Variants in STK31 observed in about 807,000 individuals in gnomAD.
The protein encoded by STK31 is serine/threonine-protein kinase 31.
STK31 carries 89 observed loss-of-function variants against 129.7 expected under a neutral mutation model. The ratio of observed to expected loss-of-function variants is 0.69; its 90% confidence interval spans 0.58 to 0.82. The LOEUF (loss-of-function observed/expected upper bound fraction) is 0.82. Ranked by LOEUF, STK31 falls within the 40% of genes least tolerant of loss-of-function variation. STK31 has a pLI of 0.00. For synonymous variants in STK31, 448 were observed against 395.3 expected, an observed-to-expected ratio of 1.13 and a Z score of -1.58; for missense variants, 1,187 against 1,176.4, an observed-to-expected ratio of 1.01 and a Z score of -0.13.
chr7:23,823,176 A>C (rs1383013508), intron 23 of STK31, among the ~76,000 whole-genome samples: 2 of 152,186 alleles, frequency 1.3e-5, no homozygotes, highest in Non-Finnish European at 2.9e-5. Flanking sequence ...TGCCACACCG[A>C]CTTCCACAAT....
Position 23,785,510 on chromosome 7 carries a change from A to G in STK31, c.2181A>G (p.Glu727=), listed in dbSNP as rs1220357092. 6.2e-7 allele frequency: 1 copy of G among 1,613,930 alleles called. No homozygotes were observed. The highest frequency in any genetic ancestry group is 1.7e-5 in the Admixed American group (1 of 60,002). Residue 727 remains glutamate, a synonymous_variant, in exon 18 of 24, where the codon GAA becomes GAG. Transcript: ENST00000355870. ...GTGGTCTCCTTACAATGAGCTTGGA[A>G]CGAGATCTTCTTGATGCTGAGCCCA... ...NSGGLLTMSL[E]RDLLDAEPMK... is the part of the protein sequence containing the mutation.
At chr7:23,714,783 G>GT (rs966341888) in intron 3 of STK31, among the ~76,000 whole-genome samples, 49 of 148,018 alleles carry the variant, frequency 3.3e-4, no homozygotes, top group Middle Eastern at 3.6e-3. Flanking sequence ...AGAGTCAGCA[G>GT]TTTTTTTTTT....
At chr7:23,815,092 G>C (rs898229244) in intron 22 of STK31, 52 bp from the exon 23 acceptor site, 5 of 1,330,240 alleles carry the variant, frequency 3.8e-6, no homozygotes, top group African/African-American at 1.5e-5. Flanking sequence ...CTCTTCTATA[G>C]ATTGGCGTAT....
rs772351518 is a variant in STK31 at position 23,790,879 on chromosome 7, A to C, written c.2693A>C (p.Glu898Ala). 1.2e-6 allele frequency: 2 copies of C among 1,609,508 alleles called. No individual in the cohort carries two copies. The highest frequency in any genetic ancestry group is 1.7e-6 in the Non-Finnish European group (2 of 1,178,240). Residue 898 changes from glutamate (E) to alanine (A), a missense_variant, in exon 22 of 24, where the codon GAG becomes GCG. Transcript: ENST00000355870. Reference protein sequence around the residue: ...MVGDLSLMSPELKMGKPASPG... With the variant: ...MVGDLSLMSPALKMGKPASPG... ...GGTGACTTGAGTTTGATGTCACCTG[A>C]GTTGAAAATGGGAAAACCTGCTTCT... is the stretch of plus-strand genomic sequence containing the variant.
At chr7:23,749,744 C>T (rs556845026) in intron 8 of STK31, among the ~76,000 whole-genome samples, 10 of 152,116 alleles carry the variant, frequency 6.6e-5, no homozygotes, top group Admixed American at 2.6e-4. Flanking sequence ...AAGATGTACG[C>T]GGGAGTGATG....
intron 23 of STK31, among the ~76,000 whole-genome samples, chr7:23,823,567 G>A (rs1335889388): frequency 7.2e-5 from 11 of 152,040 alleles, no homozygotes; most frequent in Admixed American, 1.3e-4. Context: ...CTCTGATGGT[G>A]GTTTCTTTTG....
intron 16 of STK31, 64 bp from the exon 17 acceptor site, chr7:23,783,519 A>G: frequency 8.4e-7 from 1 of 1,190,488 alleles, no homozygotes; most frequent in Non-Finnish European, 1.2e-6. Context: ...TTTCCTGAAG[A>G]GCAACATGTC....
At position 23,788,471 on chromosome 7, in the gene STK31, T is replaced by C. The variant is rs553471768; in HGVS notation, c.2637+342T>C. On this transcript the variant is annotated intron_variant, in intron 21 of 23. Transcript: ENST00000355870. ...ACCTCTCTCCACTGGTGTCCCTCCG[T>C]CTATAGATACAATTTACATATACGT... Among the ~76,000 whole-genome samples the C allele has an allele frequency of 4.9e-4, 74 of 152,276 alleles. 2 individuals are homozygous for C. The highest frequency in any genetic ancestry group is 1.7e-3 in the African/African-American group (69 of 41,572).
chr7:23,818,119 T>G (rs1183184734), intron 23 of STK31, among the ~76,000 whole-genome samples: 1 of 152,116 alleles, frequency 6.6e-6, no homozygotes, highest in Non-Finnish European at 1.5e-5. Context: ...TTTAAATGGT[T>G]GCTTTTTTGA....
chr7:23,790,909 G>A lies in STK31; in HGVS notation c.2723G>A (p.Gly908Asp). Residue 908 changes from glycine to aspartate, a missense_variant, in exon 22 of 24, where the codon GGT (glycine) becomes GAT (aspartate). Gly to Asp is a moderately conservative substitution (Grantham distance 94). Around this residue, in one of 5 missense-constraint regions of STK31, gnomAD observed 975 missense variants for 934.9 expected, o/e 1.04. Transcript: ENST00000355870. ...AAAATGGGAAAACCTGCTTCTCCAG[G>A]TTCAGACTTATATGCTTATGGCTGC... ...ELKMGKPASP[G>D]SDLYAYGCLL... The A allele has an allele frequency of 1.9e-6, 3 of 1,606,490 alleles. No individual in the cohort carries two copies. The highest frequency in any genetic ancestry group is 2.5e-6 in the Non-Finnish European group (3 of 1,177,072).
chr7:23,796,238 T>A (rs1353811667), intron 22 of STK31, among the ~76,000 whole-genome samples: 2 of 152,188 alleles, frequency 1.3e-5, no homozygotes, highest in Non-Finnish European at 2.9e-5. Flanking sequence ...TGCATGTATA[T>A]TTAAAGTTGT....
chr7:23,717,096 G>GTTTTTTT (rs1584317515), intron 3 of STK31, among the ~76,000 whole-genome samples: 1 of 41,870 alleles, frequency 2.4e-5, no homozygotes, highest in African/African-American at 1.3e-4. Context: ...ATCGCAACCT[G>GTTTTTTT]CTTTTTTTTT....
In STK31 at chr7:23,769,179, T is replaced by G; in HGVS notation, c.1596+5T>G. On this transcript the variant is annotated splice_donor_5th_base_variant and intron_variant, in intron 12 of 23. Transcript: ENST00000355870. ...TGGTTCCAAAGAACCTTAAAGGTAATAAAAGCTCCTGCCCGGTTGTGTTTG... is the reference window on the plus strand; with the variant it reads ...TGGTTCCAAAGAACCTTAAAGGTAAGAAAAGCTCCTGCCCGGTTGTGTTTG... The G allele has an allele frequency of 6.5e-7, 1 of 1,543,602 alleles. No homozygotes were observed. Among genetic ancestry groups the G allele is most frequent in the African/African-American group, 1.4e-5 (1 of 71,870 alleles).
intron 1 of STK31, among the ~76,000 whole-genome samples, chr7:23,711,284 A>G (rs1785944714): frequency 6.6e-6 from 1 of 152,148 alleles, no homozygotes; most frequent in South Asian, 2.1e-4. Context: ...TAAAAATACA[A>G]AAATTAGCTG....
rs757465939 is a variant in STK31 at position 23,754,394 on chromosome 7, C to G, written c.1213C>G (p.Pro405Ala). 6.2e-7 allele frequency: 1 copy of G among 1,613,994 alleles called. No homozygotes were observed. The highest frequency in any genetic ancestry group is 1.1e-5 in the South Asian group (1 of 91,068). The part of the protein sequence containing the change: ...QVLDEGCFTT[P>A]ASLNGLEIIW... ...GTTGGATGAAGGGTGCTTTACTACTCCAGCTTCTTTGAATGGATTAGAGAT... is the reference window on the plus strand; with the variant it reads ...GTTGGATGAAGGGTGCTTTACTACTGCAGCTTCTTTGAATGGATTAGAGAT... Residue 405 changes from proline to alanine, a missense_variant, in exon 10 of 24, where the codon CCA becomes GCA. By Grantham distance (27) the Pro-to-Ala change is conservative. Coordinates refer to ENST00000355870, the MANE Select transcript of STK31 (RefSeq NM_031414.5).
At chr7:23,813,877 T>A (rs918715873) in intron 22 of STK31, among the ~76,000 whole-genome samples, 1 of 152,068 alleles carries the variant, frequency 6.6e-6, no homozygotes, top group Non-Finnish European at 1.5e-5. Flanking sequence ...TCAGAGTGTA[T>A]TTACTGGACC....
At chr7:23,733,455 T>A (rs889676668) in intron 6 of STK31, among the ~76,000 whole-genome samples, 2 of 150,912 alleles carry the variant, frequency 1.3e-5, no homozygotes, top group African/African-American at 4.9e-5. Context: ...AGTTTGAGTC[T>A]CCTTCTCTGC....
rs150042697 is a variant in STK31 at position 23,711,571 on chromosome 7, T to C, written c.51-528T>C. On this transcript the variant is annotated intron_variant, in intron 1 of 23. Coordinates refer to ENST00000355870, the MANE Select transcript of STK31 (RefSeq NM_031414.5). ...GAATATTTTTGCATTTGATAAAGTA[T>C]AATATTATGTAATTAAAATTATTTT... is the stretch of plus-strand genomic sequence containing the variant. Among the ~76,000 whole-genome samples the C allele has an allele frequency of 7.0e-3, 1,065 of 152,236 alleles. 17 individuals are homozygous for C. The highest frequency in any genetic ancestry group is 0.024 in the African/African-American group (998 of 41,544).
At chr7:23,821,866 C>T (rs1053810865) in intron 23 of STK31, among the ~76,000 whole-genome samples, 4 of 152,026 alleles carry the variant, frequency 2.6e-5, no homozygotes, top group Admixed American at 1.3e-4. Flanking sequence ...TACTCTTTTG[C>T]GTATGGCTAT....
Sources: allele counts gnomAD v4.1 joint callset (sites outside exome capture counted in the v4.1 genomes callset), GRCh38; gene constraint gnomAD v4.1.1; regional missense constraint gnomAD v4.1.1; transcripts MANE v1.5; gene names NCBI Gene and HGNC (gene_info 2026-07-23, HGNC 2026-07-21).